Variants in KCNAB1 observed in about 807,000 individuals in gnomAD.
KCNAB1 encodes the protein voltage-gated potassium channel subunit beta-1.
Under a neutral mutation model 64.6 loss-of-function variants are expected in KCNAB1, and 35 were observed. That is an observed-to-expected ratio of 0.54 (90% confidence interval 0.41 to 0.72). The LOEUF is 0.72. Among genes scored for constraint, KCNAB1 ranks in the 30% least tolerant of loss-of-function variants. The pLI is 0.00. For missense variants in KCNAB1, 401 were observed against 512.9 expected (o/e 0.78, Z 2.11); for synonymous variants, 177 against 183.8 (o/e 0.96, Z 0.30).
chr3:156,437,093 A>C (rs566073949), intron 2 of KCNAB1, among the ~76,000 whole-genome samples: 4 of 152,224 alleles, frequency 2.6e-5, no homozygotes, highest in Non-Finnish European at 5.9e-5. Context: ...TGAAGTTTAT[A>C]CTTGAAAGTT....
At chr3:156,255,749 G>T (rs2108471204) in intron 1 of KCNAB1, among the ~76,000 whole-genome samples, 1 of 152,196 alleles carries the variant, frequency 6.6e-6, no homozygotes, top group East Asian at 1.9e-4. Flanking sequence ...CCTCCTCCAT[G>T]CAGCCTTCTC....
chr3:156,297,778 G>C (rs957058595), intron 1 of KCNAB1, among the ~76,000 whole-genome samples: 24 of 151,934 alleles, frequency 1.6e-4, no homozygotes, highest in African/African-American at 5.1e-4. Flanking sequence ...GTGTGTGCGC[G>C]TGTGCTCGTG....
rs569320052 is a variant in KCNAB1 at position 156,526,749 on chromosome 3, C to T, written c.1081+2802C>T. Among the ~76,000 whole-genome samples the T allele has an allele frequency of 3.9e-5, 6 of 151,964 alleles. No homozygotes were observed. In the South Asian group the frequency reaches 6.3e-4, roughly 16 times the overall value. On this transcript the variant is annotated intron_variant, in intron 12 of 13. Coordinates refer to ENST00000490337, the MANE Select transcript of KCNAB1 (RefSeq NM_172160.3). ...TATACTATTACTAGTCATATCTTAC[C>T]GATGCTAGTGGAGGATTTTCTATTA...
At position 156,498,545 on chromosome 3, in the gene KCNAB1, C is replaced by G. The variant is rs376785017; in HGVS notation, c.659-15819C>G. On this transcript the variant is annotated intron_variant, in intron 8 of 13. Coordinates refer to ENST00000490337, the MANE Select transcript of KCNAB1 (RefSeq NM_172160.3). ...GACTTGCTCCTCCATGTCTTCCTCC[C>G]CAGCCATATGGAACTGTTAAATCCA... Among the ~76,000 whole-genome samples, 24 of 152,286 alleles carry G rather than the reference C, an allele frequency of 1.6e-4. No homozygotes were observed. In the East Asian group the frequency reaches 3.9e-3, roughly 25 times the overall value.
chr3:156,338,303 C>CTTTTTTTTTTTTTT (rs34671816), intron 1 of KCNAB1, among the ~76,000 whole-genome samples: 3,234 of 39,330 alleles, frequency 0.082, 939 homozygotes, highest in Non-Finnish European at 0.12. Context: ...GGCATTTGCA[C>CTTTTTTTTTTTTTT]TTTTTTTTTT....
At chr3:156,334,327 C>G (rs1476387460) in intron 1 of KCNAB1, among the ~76,000 whole-genome samples, 1 of 152,138 alleles carries the variant, frequency 6.6e-6, no homozygotes, top group African/African-American at 2.4e-5. Flanking sequence ...CTCCCTGGCT[C>G]TAAGCTTTTT....
rs780859701 is a variant in KCNAB1, at chr3:156,465,728, C to G, written c.571+42C>G. ...CAATTTTATTTTTGGTTGTGGGCCC[C>G]TCATTCAAGAAAGGTATCAACCAAA... On this transcript the variant is annotated intron_variant, in intron 7 of 13. Coordinates refer to ENST00000490337, the MANE Select transcript of KCNAB1 (RefSeq NM_172160.3). 6.6e-6 allele frequency: 10 copies of G among 1,523,608 alleles called. No homozygotes were observed. The East Asian group carries it at 2.3e-4, about 34-fold the overall frequency. The allele number at this position is 1,523,608 out of a possible 1,614,324, so 94.4% of individuals were successfully genotyped here. A position where few individuals can be genotyped will look rare whatever the true frequency, so the allele number is the denominator to read the frequency against.
chr3:156,147,734 C>T (rs1715124244), intron 1 of KCNAB1, among the ~76,000 whole-genome samples: 1 of 152,036 alleles, frequency 6.6e-6, no homozygotes, highest in Admixed American at 6.6e-5. Context: ...TGAGATGGGC[C>T]TTAAGGATAA....
At chr3:156,493,351 TTTTC>T (rs1166636281) in intron 8 of KCNAB1, among the ~76,000 whole-genome samples, 2 of 152,128 alleles carry the variant, frequency 1.3e-5, no homozygotes, top group East Asian at 3.9e-4. Flanking sequence ...ACAGCATCCT[TTTTC>T]TTTTTTTAAA....
intron 7 of KCNAB1, among the ~76,000 whole-genome samples, chr3:156,466,161 AG>A (rs1486957395): frequency 6.6e-6 from 1 of 152,142 alleles, no homozygotes; most frequent in Admixed American, 6.6e-5. Flanking sequence ...CACAGTCCCA[AG>A]CAACCATAAA....
At chr3:156,218,370 T>G (rs1230882330) in intron 1 of KCNAB1, among the ~76,000 whole-genome samples, 1 of 152,154 alleles carries the variant, frequency 6.6e-6, no homozygotes, top group Non-Finnish European at 1.5e-5. Flanking sequence ...AGCCCAGACA[T>G]GCCTATCCCA....
At chr3:156,307,072 A>T (rs1252880690) in intron 1 of KCNAB1, among the ~76,000 whole-genome samples, 1 of 152,204 alleles carries the variant, frequency 6.6e-6, no homozygotes, top group Admixed American at 6.5e-5. Flanking sequence ...TTCATAGAAA[A>T]ATATTAACAT....
At chr3:156,197,901 T>G (rs1313304931) in intron 1 of KCNAB1, among the ~76,000 whole-genome samples, 4 of 152,208 alleles carry the variant, frequency 2.6e-5, no homozygotes, top group Middle Eastern at 3.2e-3. Flanking sequence ...TTTTAGATCT[T>G]TCTCGCTTTC....
intron 1 of KCNAB1, among the ~76,000 whole-genome samples, chr3:156,147,960 C>CAT (rs200388168): frequency 8.8e-6 from 1 of 113,496 alleles, no homozygotes; most frequent in African/African-American, 4.3e-5. Flanking sequence ...CACACACACA[C>CAT]GCACGCACAC....
chr3:156,421,739 G>A, intron 2 of KCNAB1, 80 bp downstream of exon 2: 1 of 1,265,162 alleles, frequency 7.9e-7, no homozygotes, highest in Non-Finnish European at 1.1e-6. Context: ...CTGTGGTCTA[G>A]GCCAGGACCT....
intron 8 of KCNAB1, among the ~76,000 whole-genome samples, chr3:156,484,029 C>G (rs1398270939): frequency 6.6e-6 from 1 of 152,130 alleles, no homozygotes; most frequent in African/African-American, 2.4e-5. Flanking sequence ...TTTCCGCTTT[C>G]TTTGGAAATC....
At chr3:156,419,827 T>TGC (rs1715348122) in intron 1 of KCNAB1, among the ~76,000 whole-genome samples, 1 of 152,236 alleles carries the variant, frequency 6.6e-6, no homozygotes, top group African/African-American at 2.4e-5. Flanking sequence ...CTTGTTCTTC[T>TGC]CTGTATCTCC....
At chr3:156,166,029 C>T (rs917130973) in intron 1 of KCNAB1, among the ~76,000 whole-genome samples, 1 of 152,146 alleles carries the variant, frequency 6.6e-6, no homozygotes, top group East Asian at 1.9e-4. Context: ...TGATTTCTGG[C>T]TGGAGCTTGG....
Position 156,459,886 on chromosome 3 carries a change from A to G in KCNAB1, c.482+15A>G, listed in dbSNP as rs2272112. The G allele has an allele frequency of 0.034, 54,791 of 1,590,462 alleles. 4,001 individuals are homozygous for G. Among genetic ancestry groups the G allele is most frequent in the African/African-American group, 0.3 (21,813 of 73,902 alleles). ...AAAGGCTGGAGGTATTGCATTCGCC[A>G]TAATTATTTGTTTTTAAAAAGGTAT... On this transcript the variant is annotated intron_variant, in intron 5 of 13. Transcript: ENST00000490337.
Sources: allele counts gnomAD v4.1 joint callset (sites outside exome capture counted in the v4.1 genomes callset), GRCh38; gene constraint gnomAD v4.1.1; transcripts MANE v1.5; gene names NCBI Gene and HGNC (gene_info 2026-07-23, HGNC 2026-07-21).